The following FCHO1 variants were observed in gnomAD, a reference collection of about 807,000 sequenced individuals.
FCHO1 encodes FCH and mu domain containing endocytic adaptor 1, also known as F-BAR domain only protein 1.
In FCHO1, 45 loss-of-function variants were observed where a neutral mutation model predicts 114.4. The ratio of observed to expected loss-of-function variants is 0.39; its 90% CI spans 0.31 to 0.50. The LOEUF (loss-of-function observed/expected upper bound fraction) is 0.50. Ranked by LOEUF, FCHO1 falls within the 20% of genes least tolerant of loss-of-function variation. FCHO1 has a pLI of 0.77. For missense variants in FCHO1, 1,042 were observed against 1,209.6 expected, an observed-to-expected ratio of 0.86 and a Z score of 2.06; for synonymous variants, 480 against 488.9, an observed-to-expected ratio of 0.98 and a Z score of 0.24.
At chr19:17,786,708 A>G in intron 27 of FCHO1, 79 bp downstream of exon 27, 1 of 1,488,418 alleles carries the variant, frequency 6.7e-7, no homozygotes, top group Non-Finnish European at 9.2e-7. Flanking sequence ...TTGGGGAAGA[A>G]TTGGGGACAT....
rs1441409493 is a variant in FCHO1, at chr19:17,775,312, C to T, written c.946-144C>T. 1.8e-5 allele frequency: 16 copies of T among 907,774 alleles called. No individual in the cohort carries two copies. The highest frequency in any genetic ancestry group is 2.5e-5 in the Non-Finnish European group (14 of 555,090). The allele number at this position is 907,774 out of a possible 1,614,324, so 56.2% of individuals were successfully genotyped here. On this transcript the variant is annotated intron_variant, in intron 14 of 28. Coordinates refer to ENST00000596536, the MANE Select transcript of FCHO1 (RefSeq NM_015122.3). The surrounding 1 kb of genome is among the most constrained non-coding windows in gnomAD (Gnocchi z 5.1). ...TTTGTCCCAGGAACCTGCCCACACA[C>T]CCAGGGAAGACAGTCGTTGCCATCA...
At chr19:17,785,300 A>T (rs957535522) in intron 26 of FCHO1, among the ~76,000 whole-genome samples, 7 of 152,130 alleles carry the variant, frequency 4.6e-5, no homozygotes, top group Admixed American at 3.9e-4. Context: ...GCTCACTGCA[A>T]TCTCCGCCTC....
At chr19:17,777,880 A>C (rs771920864) in intron 18 of FCHO1, among the ~76,000 whole-genome samples, 3 of 152,128 alleles carry the variant, frequency 2.0e-5, no homozygotes, top group Non-Finnish European at 4.4e-5. Context: ...CTCTGCTAAA[A>C]ATACAAAAAT....
intron 6 of FCHO1, chr19:17,766,439 CT>C: frequency 4.2e-6 from 2 of 474,590 alleles, no homozygotes; most frequent in South Asian, 5.9e-5. Context: ...AATTCCAGCT[CT>C]AATGTTGATT....
Position 17,783,031 on chromosome 19 carries a change from T to C in FCHO1, c.1952T>C (p.Val651Ala). 1 of 1,613,954 alleles carries C rather than the reference T, an allele frequency of 6.2e-7. No individual in the cohort carries two copies. Among genetic ancestry groups the C allele is most frequent in the Non-Finnish European group, 8.5e-7 (1 of 1,179,974 alleles). The change falls in exon 24 of 29, where the codon GTA becomes GCA. Residue 651 changes from valine to alanine, a missense_variant. Transcript: ENST00000596536. ...RGHSPSCLAR[V>A]TGELTMTFPA... ...ATCCTCCCTAGCTGCCTGGCTCGAG[T>C]AACTGGGGAGCTGACCATGACCTTC...
Position 17,770,425 on chromosome 19 carries a change from T to C in FCHO1, c.337T>C (p.Cys113Arg), listed in dbSNP as rs772119122. The part of the protein sequence containing the change: ...GEEQLKTHKK[C>R]KEEVVSTLDA... Reference sequence around the variant, plus strand: ...CATGAAATCCCCTCCTACCCCGCAGTGCAAGGAGGAAGTGGTGAGCACCTT... The same window carrying C: ...CATGAAATCCCCTCCTACCCCGCAGCGCAAGGAGGAAGTGGTGAGCACCTT... The change falls in exon 8 of 29, where the codon TGC becomes CGC. Residue 113 changes from cysteine to arginine, a missense_variant and splice_region_variant. Around this residue, in one of 3 missense-constraint regions of FCHO1, gnomAD observed 450 missense variants for 564.1 expected, o/e 0.80. Transcript: ENST00000596536. 6 of 1,610,170 alleles carry C rather than the reference T, an allele frequency of 3.7e-6. No individual in the cohort carries two copies. The South Asian group carries it at 4.4e-5, about 12-fold the overall frequency.
At chr19:17,783,351 C>T (rs1164749583) in intron 24 of FCHO1, among the ~76,000 whole-genome samples, 179 bp downstream of exon 24, 10 of 151,550 alleles carry the variant, frequency 6.6e-5, no homozygotes, top group Admixed American at 1.3e-4. Flanking sequence ...ACTGCAACTC[C>T]GCCTCCCGGG....
At chr19:17,778,366 A>G (rs1300743078) in intron 19 of FCHO1, 138 bp downstream of exon 19, 2 of 751,326 alleles carry the variant, frequency 2.7e-6, no homozygotes, top group Non-Finnish European at 4.4e-6. Context: ...GGGCGGGGCC[A>G]GAGTGCGCGT....
intron 3 of FCHO1, 23 bp from the exon 4 acceptor site, chr19:17,755,095 C>A: frequency 6.7e-7 from 1 of 1,494,276 alleles, no homozygotes; most frequent in Non-Finnish European, 9.3e-7. Context: ...GACTCTGTAG[C>A]TCAAACTTGC....
chr19:17,773,322 G>T (rs1218793249), intron 11 of FCHO1, among the ~76,000 whole-genome samples: 1 of 152,208 alleles, frequency 6.6e-6, no homozygotes, highest in Non-Finnish European at 1.5e-5. Flanking sequence ...AACATTCAGT[G>T]ATTTCATGCA....
At position 17,764,368 on chromosome 19, in the gene FCHO1, TC is replaced by T; in HGVS notation, c.120-3del. The T allele has an allele frequency of 1.2e-6, 2 of 1,613,312 alleles. No individual in the cohort carries two copies. Among genetic ancestry groups the T allele is most frequent in the Non-Finnish European group, 1.7e-6 (2 of 1,179,824 alleles). Reference sequence around the variant, plus strand: ...TTTCTCCATCTTTACCTCATTCTCCTCCCCAGGGCCACCATCGAGGAGACCT... The same window carrying T: ...TTTCTCCATCTTTACCTCATTCTCCTCCCAGGGCCACCATCGAGGAGACCT... On this transcript the variant is annotated splice_polypyrimidine_tract_variant and splice_region_variant and intron_variant, in intron 5 of 28. Coordinates refer to ENST00000596536, the MANE Select transcript of FCHO1 (RefSeq NM_015122.3).
At chr19:17,766,176 C>A (rs2089049944) in intron 6 of FCHO1, among the ~76,000 whole-genome samples, 1 of 140,208 alleles carries the variant, frequency 7.1e-6, no homozygotes, top group African/African-American at 2.7e-5. Context: ...AGGCGTGAAC[C>A]ATTTTTTTTT....
chr19:17,768,962 AAC>A (rs1249883487), intron 7 of FCHO1, among the ~76,000 whole-genome samples: 3 of 145,048 alleles, frequency 2.1e-5, no homozygotes, highest in African/African-American at 7.8e-5. Flanking sequence ...CAGTTTGGGC[AAC>A]ACAGTGAGAC....
chr19:17,753,111 G>A (rs147242438), intron 1 of FCHO1, among the ~76,000 whole-genome samples: 2 of 152,268 alleles, frequency 1.3e-5, no homozygotes, highest in Non-Finnish European at 2.9e-5. Context: ...GTCACCACAT[G>A]GGGCTAGTGG....
intron 4 of FCHO1, among the ~76,000 whole-genome samples, chr19:17,760,315 T>G (rs2085586043): frequency 6.6e-6 from 1 of 152,132 alleles, no homozygotes; most frequent in Non-Finnish European, 1.5e-5. Flanking sequence ...CTTCCCAAAG[T>G]GCTGGGACTA....
chr19:17,772,815 C>A (rs4808097), intron 11 of FCHO1, 74 bp downstream of exon 11: 3 of 1,102,208 alleles, frequency 2.7e-6, no homozygotes, highest in Non-Finnish European at 2.7e-6. Flanking sequence ...CCATGCCCAG[C>A]TAATTTTTTT....
chr19:17,786,446 G>A (rs2093905570), intron 26 of FCHO1, 128 bp from the exon 27 acceptor site: 1 of 854,124 alleles, frequency 1.2e-6, no homozygotes, highest in African/African-American at 1.7e-5. Context: ...TTTCACAGAT[G>A]AGGAAATTGA....
rs955716496 is a variant in FCHO1 at position 17,774,590 on chromosome 19, G to A, written c.920+112G>A. The A allele has an allele frequency of 7.3e-6, 6 of 816,952 alleles. No homozygotes were observed. The African/African-American group carries it at 8.6e-5, about 12-fold the overall frequency. 50.6% of individuals were successfully genotyped at this position (816,952 alleles called of 1,614,324 possible). Reference sequence around the variant, plus strand: ...ATAGCCCAGGAGTATCCATATTCCAGGCTGGACCAGGATTCCCTCTACCTG... The same window carrying A: ...ATAGCCCAGGAGTATCCATATTCCAAGCTGGACCAGGATTCCCTCTACCTG... On this transcript the variant is annotated intron_variant, in intron 13 of 28. Coordinates refer to ENST00000596536, the MANE Select transcript of FCHO1 (RefSeq NM_015122.3).
intron 4 of FCHO1, among the ~76,000 whole-genome samples, chr19:17,761,701 C>T (rs1406785580): frequency 2.0e-5 from 3 of 150,988 alleles, no homozygotes; most frequent in East Asian, 1.9e-4. Context: ...CCTCTGTTGC[C>T]CAGAGCTGGA....
Sources: allele counts gnomAD v4.1 joint callset (sites outside exome capture counted in the v4.1 genomes callset), GRCh38; gene constraint gnomAD v4.1.1; regional missense constraint gnomAD v4.1.1; non-coding constraint Gnocchi (gnomAD v3.1); transcripts MANE v1.5; gene names NCBI Gene and HGNC (gene_info 2026-07-23, HGNC 2026-07-21).